EED: variants seen among roughly 807,000 people sequenced by gnomAD.
The protein encoded by EED is embryonic ectoderm development.
A neutral mutation model predicts 61.0 loss-of-function variants in EED; 9 were observed. That is an observed-to-expected ratio of 0.15 (90% CI 0.09 to 0.26). The LOEUF (loss-of-function observed/expected upper bound fraction) is 0.26. EED is among the 10% of genes least tolerant of loss of function. The pLI, the probability that EED is intolerant of heterozygous loss-of-function variation, is 1.00. For synonymous variants in EED, 187 were observed against 174.4 expected (o/e 1.07, Z -0.57); for missense variants, 315 against 542.3 (o/e 0.58, Z 4.16).
chr11:86,277,454 G>A lies in EED; in HGVS notation c.1125+316G>A, dbSNP rs146876418. ...CTAAGACTTAATGTTTTAGTAATTAGATTGTCAGTCTACCTATGTAACTGT... is the reference window on the plus strand; with the variant it reads ...CTAAGACTTAATGTTTTAGTAATTAAATTGTCAGTCTACCTATGTAACTGT... On this transcript the variant is annotated intron_variant, in intron 10 of 11. Coordinates refer to ENST00000263360, the MANE Select transcript of EED (RefSeq NM_003797.5). 497 of 200,554 alleles carry A rather than the reference G, an allele frequency of 2.5e-3. 2 individuals carry two copies. The highest frequency in any genetic ancestry group is 3.9e-3 in the Non-Finnish European group (394 of 100,500). The allele number at this position is 200,554 out of a possible 1,614,324, so 12.4% of individuals were successfully genotyped here.
At chr11:86,273,305 A>G (rs1016481507) in intron 9 of EED, among the ~76,000 whole-genome samples, 2 of 152,228 alleles carry the variant, frequency 1.3e-5, no homozygotes, top group African/African-American at 4.8e-5. Context: ...TTATGGGCAC[A>G]AGCCATTTGA....
chr11:86,258,821 G>C (rs1463487653), intron 6 of EED, among the ~76,000 whole-genome samples: 1 of 151,848 alleles, frequency 6.6e-6, no homozygotes, highest in African/African-American at 2.4e-5. Flanking sequence ...CTCCTAAAGT[G>C]CTGAGATTAC....
At chr11:86,286,459 A>G in the EED span, among the ~76,000 whole-genome samples, 2 of 152,240 alleles carry the variant, frequency 1.3e-5, no homozygotes, top group Non-Finnish European at 2.9e-5. Context: ...AAAGGCTGGT[A>G]GAAACTCAGT....
At chr11:86,286,867 G>C in the EED span, among the ~76,000 whole-genome samples, 3 of 150,906 alleles carry the variant, frequency 2.0e-5, no homozygotes, top group African/African-American at 7.3e-5. Flanking sequence ...AGCTACTCGG[G>C]AGGCTGAGGC....
chr11:86,280,955 T>C (rs993423909), downstream of EED, among the ~76,000 whole-genome samples: 2 of 152,232 alleles, frequency 1.3e-5, no homozygotes, highest in East Asian at 1.9e-4. Context: ...TCTGGTAATA[T>C]GGTGAATCAC....
At chr11:86,260,804 G>C (rs1422907532) in intron 6 of EED, among the ~76,000 whole-genome samples, 1 of 152,012 alleles carries the variant, frequency 6.6e-6, no homozygotes, top group Admixed American at 6.6e-5. Context: ...AAAGTTATTT[G>C]AGATAAATAT....
intron 1 of EED, among the ~76,000 whole-genome samples, chr11:86,249,187 A>G (rs933098229): frequency 6.6e-6 from 1 of 152,178 alleles, no homozygotes; most frequent in Non-Finnish European, 1.5e-5. Context: ...CACATTTTCT[A>G]TTTCTGTAAA....
At chr11:86,256,964 A>T (rs1156949245) in intron 5 of EED, among the ~76,000 whole-genome samples, 1 of 152,034 alleles carries the variant, frequency 6.6e-6, no homozygotes, top group Non-Finnish European at 1.5e-5. Context: ...TCTCCTGAGG[A>T]TGCTTAAAAC....
At chr11:86,246,053 G>A (rs1163348858) in intron 1 of EED, among the ~76,000 whole-genome samples, 1 of 152,232 alleles carries the variant, frequency 6.6e-6, no homozygotes, top group Non-Finnish European at 1.5e-5. Context: ...AGTGGTATAG[G>A]CAGATGTATT....
intron 6 of EED, 140 bp downstream of exon 6, chr11:86,257,736 AC>A (rs1945714614): frequency 1.7e-6 from 1 of 604,984 alleles, no homozygotes; most frequent in African/African-American, 1.9e-5. Flanking sequence ...ATAAAAACTC[AC>A]AAAAAAACAC....
At chr11:86,256,597 G>A (rs1239374138) in intron 5 of EED, 85 bp downstream of exon 5, 2 of 1,260,962 alleles carry the variant, frequency 1.6e-6, no homozygotes, top group Non-Finnish European at 1.1e-6. Flanking sequence ...AAAACTAATG[G>A]TATGAATGTA....
rs1478054892 is a variant in EED at position 86,254,070 on chromosome 11, A to G, written c.361-1152A>G. The stretch of plus-strand genomic sequence containing the variant: ...TCTCAAAAAAAAAAAAAAAAAAAAA[A>G]AAAAAGAAAATGGAAAGAAATTTAT... On this transcript the variant is annotated intron_variant, in intron 3 of 11. Coordinates refer to ENST00000263360, the MANE Select transcript of EED (RefSeq NM_003797.5). 1.7e-4 allele frequency among the ~76,000 whole-genome samples: 25 copies of G among 149,988 alleles called. No homozygotes were observed. In the East Asian group the frequency reaches 1.7e-3, roughly 10 times the overall value.
At chr11:86,281,534 T>A (rs568881245), downstream of EED, among the ~76,000 whole-genome samples, 8 of 152,370 alleles carry the variant, frequency 5.3e-5, no homozygotes, top group South Asian at 1.7e-3. Context: ...TGGTTTGCGA[T>A]CTTTTTTAAT....
intron 2 of EED, among the ~76,000 whole-genome samples, chr11:86,251,848 A>C (rs970325656): frequency 6.6e-6 from 1 of 152,232 alleles, no homozygotes. Flanking sequence ...TGTGATTCAG[A>C]ATATGATTGG....
intron 1 of EED, among the ~76,000 whole-genome samples, chr11:86,246,234 T>C (rs1197289895): frequency 6.6e-6 from 1 of 152,252 alleles, no homozygotes; most frequent in East Asian, 1.9e-4. Flanking sequence ...GTTTCATGTT[T>C]TAGGTTGATA....
chr11:86,266,452 C>T (rs1273252852), intron 8 of EED, among the ~76,000 whole-genome samples: 1 of 152,032 alleles, frequency 6.6e-6, no homozygotes, highest in African/African-American at 2.4e-5. Flanking sequence ...AACTTAGTAG[C>T]ACATTTTACT....
intron 6 of EED, among the ~76,000 whole-genome samples, chr11:86,260,221 T>A (rs1427480783): frequency 4.6e-5 from 7 of 152,186 alleles, no homozygotes; most frequent in Non-Finnish European, 1.0e-4. Flanking sequence ...CTTTACATTC[T>A]TTCTTTTTTT....
intron 3 of EED, among the ~76,000 whole-genome samples, chr11:86,252,656 A>G (rs1004396934): frequency 6.6e-6 from 1 of 152,194 alleles, no homozygotes; most frequent in Non-Finnish European, 1.5e-5. Context: ...GTGGATTTAA[A>G]TAAGTTATTG....
rs116326644 is a variant in EED, at chr11:86,245,448, G to A, written c.114+105G>A. On this transcript the variant is annotated intron_variant, in intron 1 of 11. Transcript: ENST00000263360. ...CGGGCTGCTGTGGGGGGAGGGAGAG[G>A]TGTCACTCAGGAAAACGCGGGCGTG... 1,630 of 939,746 alleles carry A rather than the reference G, an allele frequency of 1.7e-3. 18 individuals carry two copies. In the African/African-American group the frequency reaches 0.025, roughly 14 times the overall value. 58.2% of individuals were successfully genotyped at this position (939,746 alleles called of 1,614,324 possible).
Sources: gnomAD v4.1 joint callset for allele counts (sites outside exome capture counted in the v4.1 genomes callset) on GRCh38, gnomAD v4.1.1 for gene constraint, MANE v1.5 for transcripts, NCBI Gene and HGNC (gene_info 2026-07-23, HGNC 2026-07-21) for gene names.